The following BOK variants were observed in gnomAD, a reference collection of about 807,000 sequenced individuals.
BOK encodes BCL2 family apoptosis regulator BOK.
In BOK, 20 loss-of-function variants were observed where a neutral mutation model predicts 18.3. The ratio of observed to expected loss-of-function variants is 1.09; its 90% confidence interval spans 0.77 to 1.59. The LOEUF (loss-of-function observed/expected upper bound fraction) is 1.59. BOK is among the 40% of genes most tolerant of loss of function. The probability of loss-of-function intolerance (pLI) is 0.00; values close to 1 mark genes in which losing one functional copy is unlikely to be tolerated. For synonymous variants in BOK, 173 were observed against 142.4 expected (o/e 1.21, Z -1.53); for missense variants, 348 against 307.9 (o/e 1.13, Z -0.97).
At chr2:241,570,357 G>A (rs1316794432) in intron 4 of BOK, 69 bp downstream of exon 4, 8 of 1,471,622 alleles carry the variant, frequency 5.4e-6, no homozygotes, top group Non-Finnish European at 6.3e-6. Flanking sequence ...AGGAGGGAGT[G>A]GTGGATGGGT....
At chr2:241,552,901 C>G (rs1334287663) in intron 1 of BOK, among the ~76,000 whole-genome samples, 1 of 152,218 alleles carries the variant, frequency 6.6e-6, no homozygotes, top group Non-Finnish European at 1.5e-5. Context: ...CAGCCTGGGG[C>G]ACGTGCAGAC....
In BOK at chr2:241,572,281, C is replaced by T. The variant is rs1281647198; in HGVS notation, c.514-16C>T. ...TGCTGGCTCTGCTTTCTAACGGTCT[C>T]CCTCTTCCCTCCCAGACTGATGTCC... On this transcript the variant is annotated splice_polypyrimidine_tract_variant and intron_variant, in intron 4 of 4. Coordinates refer to ENST00000318407, the MANE Select transcript of BOK (RefSeq NM_032515.5). The T allele has an allele frequency of 1.2e-6, 2 of 1,609,064 alleles. No homozygotes were observed. The highest frequency in any genetic ancestry group is 1.7e-6 in the Non-Finnish European group (2 of 1,178,564).
intron 3 of BOK, 151 bp from the exon 4 acceptor site, chr2:241,569,974 A>G (rs1196702484): frequency 2.1e-6 from 2 of 951,970 alleles, no homozygotes; most frequent in African/African-American, 1.7e-5. Context: ...CCTGACAGGC[A>G]TCCTGTCAGG....
upstream of BOK, among the ~76,000 whole-genome samples, chr2:241,555,406 C>T (rs1574991590): frequency 1.3e-5 from 2 of 148,340 alleles, no homozygotes; most frequent in Admixed American, 1.4e-4. Flanking sequence ...GACAAAGTCT[C>T]GTTCTGTTGC....
chr2:241,557,835 G>C (rs1019907039), upstream of BOK, among the ~76,000 whole-genome samples: 1 of 152,172 alleles, frequency 6.6e-6, no homozygotes, highest in Non-Finnish European at 1.5e-5. Flanking sequence ...AATTCAGAGA[G>C]GACACACTGT....
At chr2:241,552,407 C>T (rs999899194) in intron 1 of BOK, among the ~76,000 whole-genome samples, 14 of 152,200 alleles carry the variant, frequency 9.2e-5, no homozygotes, top group African/African-American at 3.1e-4. Flanking sequence ...GGCCTCTCCA[C>T]GCCGCGCCAT....
At chr2:241,551,809 C>T (rs2066416174) in intron 1 of BOK, among the ~76,000 whole-genome samples, 1 of 152,152 alleles carries the variant, frequency 6.6e-6, no homozygotes, top group Non-Finnish European at 1.5e-5. Flanking sequence ...TGGGAAGGTT[C>T]GACCGCAGCG....
chr2:241,551,899 C>A (rs566340985), intron 1 of BOK, among the ~76,000 whole-genome samples: 1 of 152,010 alleles, frequency 6.6e-6, no homozygotes, highest in Non-Finnish European at 1.5e-5. Flanking sequence ...GCCACTTGAA[C>A]CTGGAGTGGG....
At chr2:241,572,066 C>T (rs1575006142) in intron 4 of BOK, among the ~76,000 whole-genome samples, 2 of 152,352 alleles carry the variant, frequency 1.3e-5, no homozygotes, top group East Asian at 3.9e-4. Context: ...CCATCTGTCC[C>T]CACCTCCCGT....
upstream of BOK, among the ~76,000 whole-genome samples, chr2:241,557,955 G>A (rs1485665423): frequency 6.6e-6 from 1 of 151,978 alleles, no homozygotes; most frequent in East Asian, 1.9e-4. Context: ...TTATAGTGTT[G>A]TACACACGTG....
At chr2:241,565,777 C>T (rs2066601692) in intron 3 of BOK, among the ~76,000 whole-genome samples, 1 of 152,220 alleles carries the variant, frequency 6.6e-6, no homozygotes. Context: ...AAGGCAGAGG[C>T]CAACAAATGT....
chr2:241,571,212 C>T (rs1213056032), intron 4 of BOK, among the ~76,000 whole-genome samples: 1 of 150,150 alleles, frequency 6.7e-6, no homozygotes, highest in Admixed American at 6.6e-5. Context: ...CAGCCCCCGC[C>T]CTCCCGAGTG....
chr2:241,571,280 G>A (rs565087617), intron 4 of BOK, among the ~76,000 whole-genome samples: 19 of 147,596 alleles, frequency 1.3e-4, no homozygotes, highest in East Asian at 1.9e-4. Context: ...CTGTCTCCAC[G>A]CCCCCAACTT....
chr2:241,571,995 C>T (rs1011069562), intron 4 of BOK, among the ~76,000 whole-genome samples: 3 of 152,182 alleles, frequency 2.0e-5, no homozygotes, highest in Non-Finnish European at 4.4e-5. Flanking sequence ...GGAGCCCCAG[C>T]GAGGGCCATG....
rs183224134 is a variant in BOK, at chr2:241,560,075, T to C, written c.220+372T>C. ...GATGTTTATTTTGGAAAACAGATTCTTGCTGTTACTGGCCGAGATCCCGCC... is the reference window on the plus strand; with the variant it reads ...GATGTTTATTTTGGAAAACAGATTCCTGCTGTTACTGGCCGAGATCCCGCC... On this transcript the variant is annotated intron_variant, in intron 2 of 4. Transcript: ENST00000318407. 102 of 985,360 alleles carry C rather than the reference T, an allele frequency of 1.0e-4. No individual in the cohort carries two copies. In the Admixed American group the frequency reaches 5.8e-3, roughly 56 times the overall value. The allele number at this position is 985,360 out of a possible 1,614,324, so 61.0% of individuals were successfully genotyped here.
chr2:241,559,654 G>T lies in BOK; in HGVS notation c.171G>T (p.Ala57=). ...CCTGGAGCGCGCCCGAGCGTGCCGC[G>T]CCGGTCCCGGGACGCCTGGCTGAGG... is the stretch of plus-strand genomic sequence containing the variant. ...GLSWSAPERA[A]PVPGRLAEVC... is the part of the protein sequence containing the mutation. The change falls in exon 2 of 5, where the codon GCG becomes GCT. Residue 57 remains alanine (A), a synonymous_variant. Coordinates refer to ENST00000318407, the MANE Select transcript of BOK (RefSeq NM_032515.5). 1 of 1,391,022 alleles carries T rather than the reference G, an allele frequency of 7.2e-7. No homozygotes were observed. The highest frequency in any genetic ancestry group is 3.5e-5 in the Admixed American group (1 of 28,288). 86.2% of individuals were successfully genotyped at this position (1,391,022 alleles called of 1,614,324 possible). A position where few individuals can be genotyped will look rare whatever the true frequency, so the allele number is the denominator to read the frequency against.
At chr2:241,568,416 A>G (rs2066650389) in intron 3 of BOK, among the ~76,000 whole-genome samples, 1 of 151,618 alleles carries the variant, frequency 6.6e-6, no homozygotes, top group African/African-American at 2.4e-5. Context: ...CACCGCGCCC[A>G]GCCATTTATT....
At position 241,559,645 on chromosome 2, in the gene BOK, G is replaced by C. The variant is rs768021477; in HGVS notation, c.162G>C (p.Glu54Asp). ...LRAGLSWSAP[E>D]RAAPVPGRLA... ...CCGGCCTCTCCTGGAGCGCGCCCGA[G>C]CGTGCCGCGCCGGTCCCGGGACGCC... The change falls in exon 2 of 5, where the codon GAG (glutamate) becomes GAC (aspartate). Residue 54 changes from glutamate (E) to aspartate (D), a missense_variant. Coordinates refer to ENST00000318407, the MANE Select transcript of BOK (RefSeq NM_032515.5). 4.3e-6 allele frequency: 6 copies of C among 1,399,372 alleles called. No homozygotes were observed. In the South Asian group the frequency reaches 9.5e-5, roughly 22 times the overall value. 86.7% of individuals were successfully genotyped at this position (1,399,372 alleles called of 1,614,324 possible).
intron 1 of BOK, among the ~76,000 whole-genome samples, chr2:241,552,010 T>G (rs2125039790): frequency 6.6e-6 from 1 of 152,274 alleles, no homozygotes; most frequent in Non-Finnish European, 1.5e-5. Flanking sequence ...GAAAGTAATC[T>G]TCGAGGAGCG....
Sources: gnomAD v4.1 joint callset for allele counts (sites outside exome capture counted in the v4.1 genomes callset) on GRCh38, gnomAD v4.1.1 for gene constraint, MANE v1.5 for transcripts, NCBI Gene and HGNC (gene_info 2026-07-23, HGNC 2026-07-21) for gene names.